NOTCH2: variants seen among roughly 807,000 people sequenced by gnomAD.
NOTCH2 encodes notch receptor 2.
Under a neutral mutation model 235.8 loss-of-function variants are expected in NOTCH2, and 29 were observed. That is an observed-to-expected ratio of 0.12 (90% CI 0.09 to 0.17). The LOEUF (loss-of-function observed/expected upper bound fraction) is 0.17. NOTCH2 is among the 10% of genes least tolerant of loss of function. The pLI is 1.00. For missense variants in NOTCH2, 2,285 were observed against 3,150.2 expected, an observed-to-expected ratio of 0.73 and a Z score of 6.57; for synonymous variants, 1,086 against 1,141.5, an observed-to-expected ratio of 0.95 and a Z score of 0.98.
intron 2 of NOTCH2, among the ~76,000 whole-genome samples, chr1:120,016,161 TCA>T (rs1422988305): frequency 7.5e-6 from 1 of 133,596 alleles, no homozygotes; most frequent in Non-Finnish European, 1.6e-5. Flanking sequence ...TCTCTCACTC[TCA>T]CACACGTACA....
chr1:120,010,385 C>T (rs1378089124), intron 2 of NOTCH2, among the ~76,000 whole-genome samples: 4 of 152,080 alleles, frequency 2.6e-5, no homozygotes, highest in Non-Finnish European at 1.5e-5. Context: ...CCAGCCTCTG[C>T]TTGAATACAA....
chr1:119,956,678 C>T (rs974792432), intron 12 of NOTCH2, among the ~76,000 whole-genome samples: 1 of 152,126 alleles, frequency 6.6e-6, no homozygotes, highest in African/African-American at 2.4e-5. Flanking sequence ...AGCCTCGGCC[C>T]GTAATATAGT....
intron 13 of NOTCH2, among the ~76,000 whole-genome samples, chr1:119,954,103 C>CT (rs1361083434): frequency 6.6e-6 from 1 of 152,190 alleles, no homozygotes; most frequent in African/African-American, 2.4e-5. Flanking sequence ...CTGAGCCACT[C>CT]TAAGATGCTC....
At chr1:119,957,174 C>T (rs996442690) in intron 12 of NOTCH2, among the ~76,000 whole-genome samples, 18 of 152,338 alleles carry the variant, frequency 1.2e-4, no homozygotes, top group African/African-American at 3.1e-4. Flanking sequence ...GATGATTAAA[C>T]GAGGTCTCTG....
chr1:119,926,393 A>C (rs1281793684), intron 24 of NOTCH2, 106 bp downstream of exon 24: 11 of 907,328 alleles, frequency 1.2e-5, no homozygotes, highest in Non-Finnish European at 1.8e-5. Context: ...AAATTGAGAA[A>C]TCTTCCCATT....
chr1:119,936,241 G>C (rs1649844750), intron 21 of NOTCH2, among the ~76,000 whole-genome samples: 1 of 152,192 alleles, frequency 6.6e-6, no homozygotes, highest in Admixed American at 6.5e-5. Context: ...CTTCCAGAGG[G>C]GTAGGTGAGT....
intron 5 of NOTCH2, among the ~76,000 whole-genome samples, chr1:119,971,289 G>A (rs1054098919): frequency 2.0e-5 from 3 of 152,202 alleles, no homozygotes; most frequent in Admixed American, 6.5e-5. Context: ...CCGGAACTCC[G>A]TGCTCGGCAT....
At chr1:119,973,507 A>T (rs1486786581) in intron 5 of NOTCH2, among the ~76,000 whole-genome samples, 1 of 152,204 alleles carries the variant, frequency 6.6e-6, no homozygotes, top group Non-Finnish European at 1.5e-5. Context: ...AGAGTGCTGC[A>T]TTGAAACCCG....
At chr1:119,985,779 G>GA (rs1428444666) in intron 5 of NOTCH2, among the ~76,000 whole-genome samples, 1 of 152,050 alleles carries the variant, frequency 6.6e-6, no homozygotes, top group Non-Finnish European at 1.5e-5. Context: ...GTCTATCATA[G>GA]AAAAATGGCA....
At chr1:119,949,577 G>A (rs2493415) in intron 15 of NOTCH2, among the ~76,000 whole-genome samples, 25,492 of 151,698 alleles carry the variant, frequency 0.17, 2,964 homozygotes, top group African/African-American at 0.33. Flanking sequence ...TAGTAGAGAC[G>A]GGGTTTCACC....
At chr1:119,966,585 G>A (rs587614699) in intron 8 of NOTCH2, 96 bp from the exon 9 acceptor site, 28 of 830,158 alleles carry the variant, frequency 3.4e-5, no homozygotes, top group South Asian at 2.4e-4. Flanking sequence ...CATCCTTTGC[G>A]AGTACACACA....
At chr1:119,922,121 T>C in intron 28 of NOTCH2, 115 bp downstream of exon 28, 1 of 1,164,584 alleles carries the variant, frequency 8.6e-7, no homozygotes, top group Non-Finnish European at 1.3e-6. Context: ...AGAATCATGG[T>C]CAATGTGAGT....
intron 29 of NOTCH2, among the ~76,000 whole-genome samples, chr1:119,921,367 A>G (rs1048967855): frequency 2.0e-5 from 3 of 152,218 alleles, no homozygotes; most frequent in African/African-American, 2.4e-5. Flanking sequence ...ATCTTCTCTT[A>G]TAGAAGAAGT....
At position 119,982,811 on chromosome 1, in the gene NOTCH2, G is replaced by A. The variant is rs587683855; in HGVS notation, c.874+4149C>T. Reference sequence around the variant, plus strand: ...TCCACAAGAGTGGTAGTTTTTGAAGGCACAAACAAACACTAATTAGACAGC... The same window carrying A: ...TCCACAAGAGTGGTAGTTTTTGAAGACACAAACAAACACTAATTAGACAGC... On this transcript the variant is annotated intron_variant, in intron 5 of 33. Coordinates refer to ENST00000256646, the MANE Select transcript of NOTCH2 (RefSeq NM_024408.4). 8.0e-4 allele frequency among the ~76,000 whole-genome samples: 122 copies of A among 152,266 alleles called. 4 individuals carry two copies. The South Asian group carries it at 0.025, about 31-fold the overall frequency.
chr1:120,047,573 A>G (rs1439134391), intron 1 of NOTCH2, among the ~76,000 whole-genome samples: 2 of 102,756 alleles, frequency 1.9e-5, no homozygotes, highest in South Asian at 8.7e-4. Context: ...AATCCCGGCT[A>G]CTCGGGAGGC....
chr1:120,041,071 A>AAAAAT (rs1557859547), intron 1 of NOTCH2, among the ~76,000 whole-genome samples: 8 of 77,316 alleles, frequency 1.0e-4, no homozygotes, highest in East Asian at 6.5e-4. Context: ...AAAAAAAAAA[A>AAAAAT]ATATATATAT....
chr1:119,954,838 A>G (rs1348855178), intron 13 of NOTCH2, among the ~76,000 whole-genome samples: 1 of 152,218 alleles, frequency 6.6e-6, no homozygotes, highest in Admixed American at 6.5e-5. Context: ...CTTATGTTCC[A>G]TCTAGGTCCT....
chr1:120,023,241 T>C (rs1553209353), intron 2 of NOTCH2, among the ~76,000 whole-genome samples: 1 of 150,614 alleles, frequency 6.6e-6, no homozygotes, highest in African/African-American at 2.4e-5. Flanking sequence ...ATAGAGACCA[T>C]CCTGGCTAAC....
chr1:119,924,129 T>C lies in NOTCH2; in HGVS notation c.4512-145A>G, dbSNP rs952434959. ...ACCCAAATGCCCCACAAAACCTTCT[T>C]TGCATCTCCTATCCCTGATGCCTAT... On this transcript the variant is annotated intron_variant, in intron 25 of 33. Coordinates refer to ENST00000256646, the MANE Select transcript of NOTCH2 (RefSeq NM_024408.4). The C allele has an allele frequency of 7.2e-6, 5 of 695,634 alleles. 1 individual carries two copies. The highest frequency in any genetic ancestry group is 2.1e-5 in the Admixed American group (1 of 48,004). The allele number at this position is 695,634 out of a possible 1,614,324, so 43.1% of individuals were successfully genotyped here.
Sources: allele counts gnomAD v4.1 joint callset (sites outside exome capture counted in the v4.1 genomes callset), GRCh38; gene constraint gnomAD v4.1.1; transcripts MANE v1.5; gene names NCBI Gene and HGNC (gene_info 2026-07-23, HGNC 2026-07-21).